Variants in PAPPA observed in about 807,000 individuals in gnomAD.
The protein encoded by PAPPA is pappalysin 1.
Under a neutral mutation model 164.0 loss-of-function variants are expected in PAPPA, and 60 were observed. The observed-to-expected ratio is 0.37, with a 90% CI of 0.30 to 0.45. The LOEUF (loss-of-function observed/expected upper bound fraction) is 0.45, where lower values mean the gene tolerates loss of function less well. Among genes scored for constraint, PAPPA ranks in the 20% least tolerant of loss-of-function variants. The probability of loss-of-function intolerance (pLI) is 1.00; values close to 1 mark genes in which losing one functional copy is unlikely to be tolerated. For missense variants in PAPPA, 1,782 were observed against 2,087.3 expected, an observed-to-expected ratio of 0.85 and a Z score of 2.85; for synonymous variants, 875 against 814.1, an observed-to-expected ratio of 1.07 and a Z score of -1.27.
At chr9:116,336,101 C>T (rs1349775707) in intron 13 of PAPPA, among the ~76,000 whole-genome samples, 2 of 152,150 alleles carry the variant, frequency 1.3e-5, no homozygotes, top group African/African-American at 4.8e-5. Context: ...AAGGGAAGAA[C>T]TTGCGCAGAG....
rs183530483 is a variant in PAPPA at position 116,378,923 on chromosome 9, A to C, written c.4677+1276A>C. ...ATTTCCTGAGGGCACTTGACATTGT[A>C]CTTGACTTTAGGAACCCCATTCTCT... On this transcript the variant is annotated intron_variant, in intron 20 of 21. Coordinates refer to ENST00000328252, the MANE Select transcript of PAPPA (RefSeq NM_002581.5). Among the ~76,000 whole-genome samples the C allele has an allele frequency of 4.5e-4, 68 of 152,290 alleles. 2 individuals are homozygous for C. Among genetic ancestry groups the C allele is most frequent in the Middle Eastern group, 6.8e-3 (2 of 294 alleles).
chr9:116,302,188 G>A (rs146656350), intron 9 of PAPPA, among the ~76,000 whole-genome samples: 1,539 of 152,142 alleles, frequency 0.01, 13 homozygotes, highest in Admixed American at 0.02. Context: ...GGAATATTTC[G>A]AATAATGAAG....
Position 116,187,950 on chromosome 9 carries a change from C to T in PAPPA, c.1212C>T (p.Ser404=), listed in dbSNP as rs1400306160. The T allele has an allele frequency of 1.9e-6, 3 of 1,614,174 alleles. No homozygotes were observed. The highest frequency in any genetic ancestry group is 2.5e-6 in the Non-Finnish European group (3 of 1,180,048). The part of the protein sequence containing the change: ...ELDVLEVSNS[S]LRRRLILANC... ...ACGTGCTGGAGGTGAGCAACTCCTCCCTTCGCCGCCGCCTCATCCTGGCCA... is the reference window on the plus strand; with the variant it reads ...ACGTGCTGGAGGTGAGCAACTCCTCTCTTCGCCGCCGCCTCATCCTGGCCA... Residue 404 remains serine, a synonymous_variant, in exon 2 of 22, where the codon TCC becomes TCT. Transcript: ENST00000328252. This position sits in a 1 kb window ranked among gnomAD's most constrained non-coding sequence, Gnocchi z 4.2.
At chr9:116,294,740 C>T (rs185861052) in intron 9 of PAPPA, among the ~76,000 whole-genome samples, 1 of 152,256 alleles carries the variant, frequency 6.6e-6, no homozygotes, top group Admixed American at 6.5e-5. Context: ...GGCATAAAGA[C>T]TGTTGTTATT....
At chr9:116,247,861 C>T (rs1388259212) in intron 7 of PAPPA, among the ~76,000 whole-genome samples, 1 of 152,162 alleles carries the variant, frequency 6.6e-6, no homozygotes, top group Non-Finnish European at 1.5e-5. Flanking sequence ...CAGCACCAGC[C>T]TTGCTGTGGA....
At position 116,187,216 on chromosome 9, in the gene PAPPA, A is replaced by G. The variant is rs375769505; in HGVS notation, c.478A>G (p.Ile160Val). 1.3e-5 allele frequency: 21 copies of G among 1,614,036 alleles called. No homozygotes were observed. The highest frequency in any genetic ancestry group is 2.7e-5 in the African/African-American group (2 of 74,906). Residue 160 changes from isoleucine to valine, a missense_variant, in exon 2 of 22, where the codon ATC (isoleucine) becomes GTC (valine). By Grantham distance (29) the Ile-to-Val change is conservative. This residue lies in a region of PAPPA where 458 missense variants were observed against 430.3 expected (regional missense o/e 1.06). Coordinates refer to ENST00000328252, the MANE Select transcript of PAPPA (RefSeq NM_002581.5). The surrounding 1 kb of genome is among the most constrained non-coding windows in gnomAD (Gnocchi z 4.2). ...AGGATGGGTCGTGGGCATTCACACC[A>G]TCAGTGACCAAGACAACAAAGACCC... is the stretch of plus-strand genomic sequence containing the variant. ...DRGWVVGIHT[I>V]SDQDNKDPRY...
At chr9:116,168,122 C>A (rs1393374673) in intron 1 of PAPPA, among the ~76,000 whole-genome samples, 1 of 152,176 alleles carries the variant, frequency 6.6e-6, no homozygotes, top group Non-Finnish European at 1.5e-5. Context: ...CATCATACAG[C>A]TGTTTAATAA....
rs57758662 is a variant in PAPPA, at chr9:116,259,471, TTAAAA to T, written c.2733-6383_2733-6379del. Among the ~76,000 whole-genome samples, 328 of 152,128 alleles carry T rather than the reference TTAAAA, an allele frequency of 2.2e-3. 1 individual carries two copies. Among genetic ancestry groups the T allele is most frequent in the African/African-American group, 7.5e-3 (312 of 41,510 alleles). On this transcript the variant is annotated intron_variant, in intron 7 of 21. Transcript: ENST00000328252. ...TTAATATAGAAAAACAAAACTTAAT[TTAAAA>T]TAGGCAAAAAGATGAACAAACAATA...
chr9:116,362,204 CT>C (rs1846436546), intron 17 of PAPPA, among the ~76,000 whole-genome samples: 1 of 152,120 alleles, frequency 6.6e-6, no homozygotes, highest in Non-Finnish European at 1.5e-5. Flanking sequence ...TTAACCCATG[CT>C]GCTACTCTCT....
chr9:116,198,749 T>C (rs1173693191), intron 2 of PAPPA, among the ~76,000 whole-genome samples: 2 of 152,198 alleles, frequency 1.3e-5, no homozygotes, highest in Non-Finnish European at 2.9e-5. Context: ...TAACAATCTC[T>C]AAAATTATTT....
intron 1 of PAPPA, among the ~76,000 whole-genome samples, chr9:116,166,781 C>T (rs1190011011): frequency 6.6e-6 from 1 of 152,198 alleles, no homozygotes; most frequent in Middle Eastern, 3.2e-3. Context: ...TTCTCATCCA[C>T]ACCAGTTTAA....
intron 14 of PAPPA, among the ~76,000 whole-genome samples, chr9:116,345,612 G>A (rs904466334): frequency 8.5e-5 from 13 of 152,202 alleles, no homozygotes; most frequent in African/African-American, 2.7e-4. Context: ...TGCAGGAAAT[G>A]ACATGGTCAG....
chr9:116,207,436 A>G lies in PAPPA; in HGVS notation c.1479-20A>G, dbSNP rs371211464. ...CTTTTTGGGGGCATGATAACAGCCAAGGTTCTTTTTCTGTTTCAGAGCCTA... is the reference window on the plus strand; with the variant it reads ...CTTTTTGGGGGCATGATAACAGCCAGGGTTCTTTTTCTGTTTCAGAGCCTA... On this transcript the variant is annotated intron_variant, in intron 2 of 21. Transcript: ENST00000328252. 446 of 1,595,350 alleles carry G rather than the reference A, an allele frequency of 2.8e-4. No homozygotes were observed. The highest frequency in any genetic ancestry group is 2.2e-3 in the South Asian group (192 of 88,040).
intron 7 of PAPPA, among the ~76,000 whole-genome samples, chr9:116,260,268 A>G (rs1844985793): frequency 6.6e-6 from 1 of 152,254 alleles, no homozygotes; most frequent in Non-Finnish European, 1.5e-5. Context: ...TTATAATTTG[A>G]CAAAGCTGTA....
chr9:116,190,732 A>G (rs777319985), intron 2 of PAPPA, among the ~76,000 whole-genome samples: 3 of 152,248 alleles, frequency 2.0e-5, no homozygotes, highest in Non-Finnish European at 4.4e-5. Context: ...CAATCAGCAG[A>G]CAGCACTGGC....
chr9:116,352,670 C>T, intron 15 of PAPPA, 36 bp from the exon 16 acceptor site: 1 of 1,549,080 alleles, frequency 6.5e-7, no homozygotes, highest in Non-Finnish European at 8.9e-7. Flanking sequence ...TCAGAGACTC[C>T]TCCCTCCTCT....
At position 116,257,889 on chromosome 9, in the gene PAPPA, T is replaced by A. The variant is rs557436275; in HGVS notation, c.2733-7968T>A. 3.4e-4 allele frequency among the ~76,000 whole-genome samples: 52 copies of A among 152,074 alleles called. No individual in the cohort carries two copies. In the South Asian group the frequency reaches 4.8e-3, roughly 14 times the overall value. ...TCAATTATTTTTATTATCCCCAAAC[T>A]ATTAGAATACAAATAAACCTACACG... On this transcript the variant is annotated intron_variant, in intron 7 of 21. Coordinates refer to ENST00000328252, the MANE Select transcript of PAPPA (RefSeq NM_002581.5).
intron 7 of PAPPA, among the ~76,000 whole-genome samples, chr9:116,236,983 C>G (rs1302504345): frequency 6.6e-6 from 1 of 152,202 alleles, no homozygotes. Context: ...TCTTCGCCAT[C>G]TAACTTGGGT....
intron 1 of PAPPA, among the ~76,000 whole-genome samples, chr9:116,181,815 G>A (rs191806303): frequency 4.6e-5 from 7 of 152,382 alleles, no homozygotes; most frequent in African/African-American, 7.2e-5. Context: ...GGGTTCTAGC[G>A]AAGTGGGCTG....
Sources: allele counts gnomAD v4.1 joint callset (sites outside exome capture counted in the v4.1 genomes callset), GRCh38; gene constraint gnomAD v4.1.1; regional missense constraint gnomAD v4.1.1; non-coding constraint Gnocchi (gnomAD v3.1); transcripts MANE v1.5; gene names NCBI Gene and HGNC (gene_info 2026-07-23, HGNC 2026-07-21).